Variants in ATRX observed in about 807,000 individuals in gnomAD.
ATRX encodes ATRX chromatin remodeler, also known as chromatin remodeler ATRX.
ATRX carries 12 observed loss-of-function variants against 172.6 expected under a neutral mutation model. The observed-to-expected ratio is 0.07, with a 90% confidence interval of 0.04 to 0.11. The LOEUF is 0.11. Ranked by LOEUF, ATRX falls within the 10% of genes least tolerant of loss-of-function variation. The pLI is 1.00. For synonymous variants in ATRX, 674 were observed against 594.7 expected, an observed-to-expected ratio of 1.13 and a Z score of -1.94; for missense variants, 1,368 against 1,767.4, an observed-to-expected ratio of 0.77 and a Z score of 4.05.
In ATRX at chrX:77,507,533, TG is replaced by T. The variant is rs1419147623; in HGVS notation, c.*817del. The T allele has an allele frequency of 1.2e-5, 2 of 173,363 alleles. No homozygotes were observed. Among genetic ancestry groups the T allele is most frequent in the African/African-American group, 5.9e-5 (2 of 33,896 alleles). 14.3% of individuals were successfully genotyped at this position (173,363 alleles called of 1,213,427 possible). A position where few individuals can be genotyped will look rare whatever the true frequency, so the allele number is the denominator to read the frequency against. ...GCACTGGCACCATGCAGTTAAGAGA[TG>T]TGCTTTATATTCGTGCCAGGAGAGA... On this transcript the variant is annotated 3_prime_UTR_variant, in exon 35 of 35. Transcript: ENST00000373344.
chrX:77,737,477 TATAATAAATA>T (rs1283538570), intron 1 of ATRX, among the ~76,000 whole-genome samples: 1 of 55,539 alleles, frequency 1.8e-5, no homozygotes, highest in South Asian at 9.0e-4. Flanking sequence ...ACAGGGTGTA[TATAATAAATA>T]ATAGATAATA....
At chrX:77,628,168 TG>T (rs2067957099) in intron 19 of ATRX, among the ~76,000 whole-genome samples, 1 of 112,657 alleles carries the variant, frequency 8.9e-6, no homozygotes. Flanking sequence ...TATGGAAACC[TG>T]TCATTATTTT....
At chrX:77,583,853 T>A (rs1236544529) in intron 27 of ATRX, among the ~76,000 whole-genome samples, 3 of 111,390 alleles carry the variant, frequency 2.7e-5, no homozygotes, top group African/African-American at 9.8e-5. Context: ...AAAATCAAAT[T>A]ATCCTTGTTT....
intron 1 of ATRX, among the ~76,000 whole-genome samples, chrX:77,765,358 G>A (rs920119083): frequency 8.9e-6 from 1 of 112,250 alleles, no homozygotes; most frequent in Admixed American, 9.5e-5. Flanking sequence ...CACAGCAATA[G>A]AAGTGTAGCT....
intron 15 of ATRX, among the ~76,000 whole-genome samples, chrX:77,639,259 C>T (rs2068539755): frequency 8.9e-6 from 1 of 111,971 alleles, no homozygotes; most frequent in Non-Finnish European, 1.9e-5. Flanking sequence ...TGAGCCTGAC[C>T]TAATTAAAGT....
chrX:77,715,891 C>A (rs1569542255), intron 2 of ATRX, among the ~76,000 whole-genome samples: 1 of 110,298 alleles, frequency 9.1e-6, no homozygotes, highest in Non-Finnish European at 1.9e-5. Context: ...TTTTTTTGTA[C>A]ATATTGTGTG....
chrX:77,726,172 A>T (rs1557172711), intron 1 of ATRX, among the ~76,000 whole-genome samples: 1 of 111,001 alleles, frequency 9.0e-6, no homozygotes, highest in African/African-American at 3.3e-5. Flanking sequence ...ACTCACACAC[A>T]TGTATGTTTA....
intron 2 of ATRX, among the ~76,000 whole-genome samples, chrX:77,709,556 T>A (rs1557159361): frequency 9.2e-6 from 1 of 109,122 alleles, no homozygotes. Flanking sequence ...TGACAAACCT[T>A]CACAGGTACC....
At chrX:77,725,462 A>G (rs2148790304) in intron 1 of ATRX, among the ~76,000 whole-genome samples, 1 of 112,245 alleles carries the variant, frequency 8.9e-6, no homozygotes, top group African/African-American at 3.2e-5. Flanking sequence ...ACCTTACACA[A>G]AAATTAATTC....
chrX:77,668,356 A>G (rs1272748555), intron 10 of ATRX, among the ~76,000 whole-genome samples: 2 of 111,821 alleles, frequency 1.8e-5, no homozygotes, highest in African/African-American at 6.5e-5. Context: ...ATGCTGGATC[A>G]TGCTGGATGT....
At chrX:77,545,064 A>G (rs1557052708) in intron 30 of ATRX, among the ~76,000 whole-genome samples, 1 of 112,508 alleles carries the variant, frequency 8.9e-6, no homozygotes, top group African/African-American at 3.2e-5. Context: ...AATCAAAACC[A>G]TAATCTAGCT....
At chrX:77,593,570 A>C in intron 26 of ATRX, 126 bp downstream of exon 26, 1 of 756,971 alleles carries the variant, frequency 1.3e-6, no homozygotes, top group Non-Finnish European at 2.0e-6. Flanking sequence ...CTAGCACTAC[A>C]ATGACCAAAT....
chrX:77,623,288 G>A lies in ATRX; in HGVS notation c.5135-2756C>T, dbSNP rs782368283. Among the ~76,000 whole-genome samples, 9 of 111,158 alleles carry A rather than the reference G, an allele frequency of 8.1e-5. No homozygotes were observed. In the East Asian group the frequency reaches 8.5e-4, roughly 10 times the overall value. ...TCAAGGCTATTATGAATACCTTTAC[G>A]CACATAAACTAGAAAACCTACAAGA... On this transcript the variant is annotated intron_variant, in intron 19 of 34. Coordinates refer to ENST00000373344, the MANE Select transcript of ATRX (RefSeq NM_000489.6).
At chrX:77,572,272 A>G (rs2065443026) in intron 28 of ATRX, among the ~76,000 whole-genome samples, 1 of 111,167 alleles carries the variant, frequency 9.0e-6, no homozygotes. Flanking sequence ...TGCCAACGTA[A>G]CACTCGAAGA....
Position 77,621,298 on chromosome X carries a change from AT to A in ATRX, c.5135-767del, listed in dbSNP as rs782433733. On this transcript the variant is annotated intron_variant, in intron 19 of 34. Transcript: ENST00000373344. ...GCTTATTTGTTAAAATAACATACAT[AT>A]TTTTTTTCTTTTCTTTTCTTTTTTA... is the stretch of plus-strand genomic sequence containing the variant. 2.5e-4 allele frequency among the ~76,000 whole-genome samples: 28 copies of A among 110,714 alleles called. No homozygotes were observed. The South Asian group carries it at 0.01, about 40-fold the overall frequency.
intron 21 of ATRX, among the ~76,000 whole-genome samples, chrX:77,617,029 T>C (rs1557097211): frequency 9.0e-6 from 1 of 111,104 alleles, no homozygotes; most frequent in African/African-American, 3.3e-5. Context: ...TAGTCTTCTC[T>C]GTACAGAAAA....
intron 1 of ATRX, among the ~76,000 whole-genome samples, chrX:77,759,299 T>C (rs923136518): frequency 1.3e-4 from 14 of 110,614 alleles, no homozygotes; most frequent in Non-Finnish European, 2.3e-4. Flanking sequence ...CTAGCATATG[T>C]GCAAAGGAGA....
chrX:77,676,106 G>A (rs2148541662), intron 10 of ATRX, 120 bp downstream of exon 10: 1 of 630,214 alleles, frequency 1.6e-6, no homozygotes, highest in African/African-American at 2.2e-5. Flanking sequence ...CTGTGAGCGA[G>A]TCTTTCTAAG....
Position 77,652,476 on chromosome X carries a change from T to C in ATRX, c.4318-123A>G, listed in dbSNP as rs1239817679. 5 of 784,641 alleles carry C rather than the reference T, an allele frequency of 6.4e-6. No individual in the cohort carries two copies. The African/African-American group carries it at 8.7e-5, about 14-fold the overall frequency. 64.7% of individuals were successfully genotyped at this position (784,641 alleles called of 1,213,427 possible). A position where few individuals can be genotyped will look rare whatever the true frequency, so the allele number is the denominator to read the frequency against. Reference sequence around the variant, plus strand: ...AACATGCTGAAAACCTTTAGAATTATATTCAGCAATAGAGTAGTATTAAAA... The same window carrying C: ...AACATGCTGAAAACCTTTAGAATTACATTCAGCAATAGAGTAGTATTAAAA... On this transcript the variant is annotated intron_variant, in intron 14 of 34. Coordinates refer to ENST00000373344, the MANE Select transcript of ATRX (RefSeq NM_000489.6).
Sources: gnomAD v4.1 joint callset for allele counts (sites outside exome capture counted in the v4.1 genomes callset) on GRCh38, gnomAD v4.1.1 for gene constraint, MANE v1.5 for transcripts, NCBI Gene and HGNC (gene_info 2026-07-23, HGNC 2026-07-21) for gene names.